Variants in JHY observed in about 807,000 individuals in gnomAD.
JHY encodes the protein junctional cadherin complex regulator, also known as jhy protein homolog.
JHY carries 69 observed loss-of-function variants against 78.0 expected under a neutral mutation model. The observed-to-expected ratio is 0.88, with a 90% CI of 0.73 to 1.08. JHY has a LOEUF of 1.08. Among genes scored for constraint, JHY ranks in the 50% least tolerant of loss-of-function variants. The probability of loss-of-function intolerance (pLI) is 0.00; values close to 1 mark genes in which losing one functional copy is unlikely to be tolerated. For synonymous variants in JHY, 368 were observed against 342.6 expected (o/e 1.07, Z -0.82); for missense variants, 944 against 927.8 (o/e 1.02, Z -0.23).
In JHY at chr11:122,959,930, G is replaced by A. The variant is rs1021278477; in HGVS notation, c.*485G>A. On this transcript the variant is annotated 3_prime_UTR_variant, in exon 9 of 9. Coordinates refer to ENST00000227349, the MANE Select transcript of JHY (RefSeq NM_024806.4). Reference sequence around the variant, plus strand: ...TACTAAAATCTCCAAGTTTGGCAAAGGGCTTATATATATTAAGTTGAGGCC... The same window carrying A: ...TACTAAAATCTCCAAGTTTGGCAAAAGGCTTATATATATTAAGTTGAGGCC... The A allele has an allele frequency of 1.9e-5, 3 of 156,960 alleles. No homozygotes were observed. The highest frequency in any genetic ancestry group is 7.2e-5 in the African/African-American group (3 of 41,454). The allele number at this position is 156,960 out of a possible 1,614,324, so 9.7% of individuals were successfully genotyped here.
chr11:122,934,302 A>C, intron 4 of JHY, 118 bp from the exon 5 acceptor site: 1 of 523,538 alleles, frequency 1.9e-6, no homozygotes, highest in East Asian at 7.3e-5. Flanking sequence ...GGAGACAGTG[A>C]GACTCCGTCT....
In JHY at chr11:122,956,475, T is replaced by C. The variant is rs370197433; in HGVS notation, c.1930-21T>C. ...ACACACAAGTCCTTAAAAGAAACTG[T>C]TTCTGTGGTTGTATTTTTAGAACAC... On this transcript the variant is annotated intron_variant, in intron 6 of 8. Transcript: ENST00000227349. 988 of 1,611,590 alleles carry C rather than the reference T, an allele frequency of 6.1e-4. 3 individuals carry two copies. The highest frequency in any genetic ancestry group is 1.0e-3 in the South Asian group (91 of 90,886).
rs559461905 is a variant in JHY at position 122,886,054 on chromosome 11, A to G, written c.205A>G (p.Met69Val). The change falls in exon 2 of 9, where the codon ATG becomes GTG. Residue 69 changes from methionine to valine, a missense_variant. Met to Val is a conservative substitution (Grantham distance 21). Coordinates refer to ENST00000227349, the MANE Select transcript of JHY (RefSeq NM_024806.4). ...EFDDRIRGNG[M>V]EPDSLDEEES... ...TGATGATCGAATCCGGGGCAACGGT[A>G]TGGAGCCCGACAGCTTAGACGAGGA... 6.2e-7 allele frequency: 1 copy of G among 1,614,124 alleles called. No individual in the cohort carries two copies.
intron 3 of JHY, among the ~76,000 whole-genome samples, chr11:122,906,634 G>A (rs79154211): frequency 2.0e-5 from 3 of 152,042 alleles, no homozygotes; most frequent in African/African-American, 7.2e-5. Flanking sequence ...TTTAGTCTGA[G>A]GTCAAAAGAA....
intron 5 of JHY, among the ~76,000 whole-genome samples, chr11:122,939,132 C>T (rs906938629): frequency 8.5e-5 from 13 of 152,052 alleles, no homozygotes; most frequent in South Asian, 4.2e-4. Flanking sequence ...GGACTACAGA[C>T]GCCCATCACC....
intron 6 of JHY, among the ~76,000 whole-genome samples, chr11:122,955,735 AT>A (rs986331871): frequency 1.6e-4 from 24 of 152,314 alleles, no homozygotes; most frequent in African/African-American, 5.5e-4. Flanking sequence ...TAAATAGATT[AT>A]CATTGTTTTT....
rs772749258 is a variant in JHY at position 122,957,395 on chromosome 11, A to G, written c.2043A>G (p.Ala681=). 5 of 1,534,710 alleles carry G rather than the reference A, an allele frequency of 3.3e-6. No homozygotes were observed. Among genetic ancestry groups the G allele is most frequent in the Non-Finnish European group, 1.7e-6 (2 of 1,153,592 alleles). ...AATTAATACAGCAAAAGGAATATGC[A>G]AAACAAGTCAAGGAGTACAACATGA... The part of the protein sequence containing the change: ...TQKLIQQKEY[A]KQVKEYNMKT... Residue 681 remains alanine, a synonymous_variant, in exon 8 of 9, where the codon GCA becomes GCG. Transcript: ENST00000227349.
intron 6 of JHY, among the ~76,000 whole-genome samples, chr11:122,952,694 G>A (rs143223041): frequency 7.0e-4 from 106 of 152,320 alleles, no homozygotes; most frequent in African/African-American, 2.2e-3. Flanking sequence ...TGTGTCTTTT[G>A]TAAGTCAGTG....
chr11:122,904,548 C>A, intron 3 of JHY, 104 bp downstream of exon 3: 1 of 1,305,768 alleles, frequency 7.7e-7, no homozygotes, highest in Non-Finnish European at 1.1e-6. Flanking sequence ...GATGTCATAG[C>A]AGCCACCTAG....
Position 122,960,787 on chromosome 11 carries a change from T to C in JHY, c.*1342T>C. On this transcript the variant is annotated 3_prime_UTR_variant, in exon 9 of 9. Coordinates refer to ENST00000227349, the MANE Select transcript of JHY (RefSeq NM_024806.4). ...AAACAAATCCAGGATGCAATTGATT[T>C]GGAGAAGTCGCAGCGCTCACTGGTT... The C allele has an allele frequency of 1.9e-6, 1 of 515,442 alleles. No homozygotes were observed. The highest frequency in any genetic ancestry group is 3.8e-6 in the Non-Finnish European group (1 of 260,082). 31.9% of individuals were successfully genotyped at this position (515,442 alleles called of 1,614,324 possible). A position where few individuals can be genotyped will look rare whatever the true frequency, so the allele number is the denominator to read the frequency against.
In JHY at chr11:122,960,657, C is replaced by T. The variant is rs1436293528; in HGVS notation, c.*1212C>T. The T allele has an allele frequency of 5.5e-6, 2 of 363,904 alleles. No homozygotes were observed. Among genetic ancestry groups the T allele is most frequent in the Non-Finnish European group, 1.1e-5 (2 of 180,282 alleles). The allele number at this position is 363,904 out of a possible 1,614,324, so 22.5% of individuals were successfully genotyped here. Reference sequence around the variant, plus strand: ...TTCTACTATATCAATAGTAGGGTTACTTGTCTATGTAATTTAAAAATATGG... The same window carrying T: ...TTCTACTATATCAATAGTAGGGTTATTTGTCTATGTAATTTAAAAATATGG... On this transcript the variant is annotated 3_prime_UTR_variant, in exon 9 of 9. Coordinates refer to ENST00000227349, the MANE Select transcript of JHY (RefSeq NM_024806.4).
intron 1 of JHY, 85 bp from the exon 2 acceptor site, chr11:122,885,676 C>A: frequency 1.7e-6 from 1 of 583,342 alleles, no homozygotes; most frequent in Non-Finnish European, 3.0e-6. Context: ...TAACAAGGTT[C>A]TCTTACTCAT....
At chr11:122,910,501 G>A (rs1863093508) in intron 3 of JHY, among the ~76,000 whole-genome samples, 1 of 151,788 alleles carries the variant, frequency 6.6e-6, no homozygotes, top group African/African-American at 2.4e-5. Context: ...CAGTGGAAAG[G>A]AATAAAAATA....
intron 4 of JHY, among the ~76,000 whole-genome samples, chr11:122,932,896 C>G (rs1480189899): frequency 2.0e-5 from 3 of 151,950 alleles, no homozygotes; most frequent in Non-Finnish European, 4.4e-5. Context: ...TTGGGAGCAC[C>G]ACAGGTAAAA....
intron 2 of JHY, among the ~76,000 whole-genome samples, chr11:122,888,624 C>T (rs1016690827): frequency 6.6e-6 from 1 of 151,884 alleles, no homozygotes; most frequent in Non-Finnish European, 1.5e-5. Context: ...ATATTTGTTT[C>T]AGACCTATTT....
intron 3 of JHY, among the ~76,000 whole-genome samples, chr11:122,908,713 G>GT (rs1863045581): frequency 6.6e-6 from 1 of 152,074 alleles, no homozygotes; most frequent in Admixed American, 6.6e-5. Flanking sequence ...TTTGGTTTTT[G>GT]TTTGAGACAG....
Position 122,883,113 on chromosome 11 carries a change from G to C in JHY, c.-90+141G>C, listed in dbSNP as rs942718632. The C allele has an allele frequency of 6.5e-6, 1 of 152,764 alleles. No homozygotes were observed. Among genetic ancestry groups the C allele is most frequent in the African/African-American group, 2.4e-5 (1 of 41,346 alleles). 9.5% of individuals were successfully genotyped at this position (152,764 alleles called of 1,614,324 possible). On this transcript the variant is annotated intron_variant, in intron 1 of 8. Coordinates refer to ENST00000227349, the MANE Select transcript of JHY (RefSeq NM_024806.4). The surrounding 1 kb of genome is among the most constrained non-coding windows in gnomAD (Gnocchi z 4.4). The stretch of plus-strand genomic sequence containing the variant: ...CCGGCGCGGGAGCCTTCGGGACGGA[G>C]TGGGGAGCGACAAGGGGGCGAGGCC...
At chr11:122,915,358 C>T (rs1239286567) in intron 3 of JHY, among the ~76,000 whole-genome samples, 1 of 152,112 alleles carries the variant, frequency 6.6e-6, no homozygotes, top group African/African-American at 2.4e-5. Context: ...CAGTCAATAC[C>T]AAGTGAAAAC....
chr11:122,910,592 G>C (rs1023990080), intron 3 of JHY, among the ~76,000 whole-genome samples: 1 of 152,132 alleles, frequency 6.6e-6, no homozygotes, highest in Non-Finnish European at 1.5e-5. Context: ...AGGGGGAATG[G>C]GCGGGAGCAC....
Sources: allele counts gnomAD v4.1 joint callset (sites outside exome capture counted in the v4.1 genomes callset), GRCh38; gene constraint gnomAD v4.1.1; non-coding constraint Gnocchi (gnomAD v3.1); transcripts MANE v1.5; gene names NCBI Gene and HGNC (gene_info 2026-07-23, HGNC 2026-07-21).